Variants in ZNF544 observed in about 807,000 individuals in gnomAD.
ZNF544 encodes zinc finger protein AF020591.
Under a neutral mutation model 13.5 loss-of-function variants are expected in ZNF544, and 10 were observed. The ratio of observed to expected loss-of-function variants is 0.74; its 90% CI spans 0.46 to 1.25. The LOEUF (loss-of-function observed/expected upper bound fraction) is 1.25. Ranked by LOEUF, ZNF544 falls within the 50% of genes most tolerant of loss-of-function variation. The pLI, the probability that ZNF544 is intolerant of heterozygous loss-of-function variation, is 0.00. For synonymous variants in ZNF544, 323 were observed against 300.5 expected (o/e 1.07, Z -0.77); for missense variants, 896 against 845.6 (o/e 1.06, Z -0.74).
downstream of ZNF544, among the ~76,000 whole-genome samples, chr19:58,264,509 T>C (rs1308828804): frequency 2.0e-5 from 3 of 148,512 alleles, no homozygotes; most frequent in African/African-American, 7.5e-5. Flanking sequence ...CTGGCCAACA[T>C]GGCAAAACCC....
chr19:58,237,310 T>C (rs1455319982), intron 3 of ZNF544, among the ~76,000 whole-genome samples: 1 of 152,110 alleles, frequency 6.6e-6, no homozygotes, highest in East Asian at 1.9e-4. Flanking sequence ...GCAGTCCGCC[T>C]GCCTCTGCTG....
chr19:58,242,562 G>A (rs1050222527), intron 3 of ZNF544, among the ~76,000 whole-genome samples: 4 of 151,568 alleles, frequency 2.6e-5, no homozygotes, highest in Admixed American at 2.6e-4. Context: ...TGCCCAGGCT[G>A]GAGTCCAGTG....
intron 6 of ZNF544, among the ~76,000 whole-genome samples, chr19:58,251,886 T>C (rs2046350317): frequency 6.6e-6 from 1 of 152,190 alleles, no homozygotes; most frequent in African/African-American, 2.4e-5. Context: ...ATGTAAATAA[T>C]AGTTGATTCT....
chr19:58,274,246 TG>T (rs1302460473), intron 5 of ZNF544, among the ~76,000 whole-genome samples: 1 of 152,192 alleles, frequency 6.6e-6, no homozygotes, highest in African/African-American at 2.4e-5. Flanking sequence ...AAAATTGATA[TG>T]TTGAAGTTCT....
In ZNF544 at chr19:58,261,194, A is replaced by T. The variant is rs1467527306; in HGVS notation, c.588A>T (p.Gln196His). 1.9e-6 allele frequency: 3 copies of T among 1,614,208 alleles called. No homozygotes were observed. Residue 196 changes from glutamine to histidine, a missense_variant, in exon 7 of 7, where the codon CAA (glutamine) becomes CAT (histidine). Physicochemically the swap from Gln to His is conservative, Grantham distance 24 (BLOSUM62 0). Transcript: ENST00000687789. The part of the protein sequence containing the change: ...KPNSQVKELK[Q>H]NSAFINHEKN... ...ACTCACAAGTTAAAGAGTTGAAACAAAATTCAGCTTTCATTAATCATGAGA... is the reference window on the plus strand; with the variant it reads ...ACTCACAAGTTAAAGAGTTGAAACATAATTCAGCTTTCATTAATCATGAGA...
chr19:58,269,447 AAC>A lies in ZNF544; in HGVS notation c.245-6874_245-6873del, dbSNP rs1491104276. ...CGAGACTCTGTCTCAAAAAAAAACA[AAC>A]AAAAAAAATGTCAGGGTCGGGCATG... On this transcript the variant is annotated intron_variant, in intron 5 of 6. Transcript: ENST00000595981. Among the ~76,000 whole-genome samples the A allele has an allele frequency of 1.1e-3, 113 of 106,716 alleles. 5 individuals carry two copies. Among genetic ancestry groups the A allele is most frequent in the Middle Eastern group, 5.3e-3 (1 of 188 alleles). 70.0% of individuals were successfully genotyped at this position (106,716 alleles called of 152,430 possible).
chr19:58,244,703 G>T (rs1175267925), intron 4 of ZNF544, among the ~76,000 whole-genome samples: 1 of 151,232 alleles, frequency 6.6e-6, no homozygotes, highest in East Asian at 2.0e-4. Context: ...AGCCTCTCCA[G>T]TATCTGGGAC....
intron 3 of ZNF544, among the ~76,000 whole-genome samples, chr19:58,230,812 C>G (rs75968021): frequency 6.6e-6 from 1 of 152,076 alleles, no homozygotes; most frequent in African/African-American, 2.4e-5. Context: ...ATGGATTCAT[C>G]TTGACCAGGG....
At chr19:58,239,407 C>T (rs2043096292) in intron 3 of ZNF544, among the ~76,000 whole-genome samples, 1 of 152,166 alleles carries the variant, frequency 6.6e-6, no homozygotes, top group Non-Finnish European at 1.5e-5. Context: ...GAAAGCAAAA[C>T]TGCCCCCAGT....
chr19:58,271,579 G>T (rs1294222335), intron 5 of ZNF544, among the ~76,000 whole-genome samples: 3 of 152,104 alleles, frequency 2.0e-5, no homozygotes, highest in African/African-American at 7.2e-5. Context: ...TCCAGCCTAT[G>T]TGACAGTGTG....
intron 3 of ZNF544, 53 bp from the exon 4 acceptor site, chr19:58,243,912 C>G: frequency 6.9e-7 from 1 of 1,451,152 alleles, no homozygotes; most frequent in African/African-American, 1.4e-5. Context: ...GGTGTTGGCC[C>G]TGGAGGTTTG....
chr19:58,271,493 T>C (rs1234309232), intron 5 of ZNF544, among the ~76,000 whole-genome samples: 1 of 152,036 alleles, frequency 6.6e-6, no homozygotes, highest in Non-Finnish European at 1.5e-5. Flanking sequence ...TCCCAGCTAC[T>C]CAGGAAGCTG....
intron 6 of ZNF544, among the ~76,000 whole-genome samples, chr19:58,257,088 A>AT (rs1383451905): frequency 6.6e-6 from 1 of 151,884 alleles, no homozygotes; most frequent in East Asian, 1.9e-4. Flanking sequence ...CGCCCGTCTA[A>AT]TTTTTTGTAT....
intron 6 of ZNF544, among the ~76,000 whole-genome samples, chr19:58,250,130 A>C (rs1277133878): frequency 6.6e-6 from 1 of 152,206 alleles, no homozygotes; most frequent in Non-Finnish European, 1.5e-5. Context: ...CACAGGTAAA[A>C]GGCTCCTAGT....
intron 3 of ZNF544, chr19:58,242,274 G>A: frequency 2.0e-6 from 2 of 985,308 alleles, no homozygotes; most frequent in Non-Finnish European, 2.4e-6. Flanking sequence ...AGATGATGCT[G>A]GTGGAAGAGG....
At chr19:58,241,879 G>A (rs746165788) in intron 3 of ZNF544, among the ~76,000 whole-genome samples, 2 of 151,880 alleles carry the variant, frequency 1.3e-5, no homozygotes, top group Middle Eastern at 6.8e-3. Flanking sequence ...TTGGCATTGC[G>A]TTGTCTTTGT....
chr19:58,256,133 A>C (rs1306763909), intron 6 of ZNF544, among the ~76,000 whole-genome samples: 2 of 152,170 alleles, frequency 1.3e-5, no homozygotes, highest in African/African-American at 2.4e-5. Flanking sequence ...GGAAAAAGAG[A>C]GAGAGAAAAG....
chr19:58,267,355 C>A (rs962916045), downstream of ZNF544, among the ~76,000 whole-genome samples: 1 of 151,934 alleles, frequency 6.6e-6, no homozygotes, highest in East Asian at 2.0e-4. Context: ...AGCCACCGCA[C>A]CCAGCAGAAT....
intron 6 of ZNF544, chr19:58,258,392 G>A (rs190372828): frequency 9.1e-4 from 140 of 154,476 alleles, no homozygotes; most frequent in Admixed American, 1.5e-3. Flanking sequence ...TGAGGGCACT[G>A]GGTGTGAGGG....
Sources: gnomAD v4.1 joint callset for allele counts (sites outside exome capture counted in the v4.1 genomes callset) on GRCh38, gnomAD v4.1.1 for gene constraint, MANE v1.5 for transcripts, NCBI Gene and HGNC (gene_info 2026-07-23, HGNC 2026-07-21) for gene names.